Variants in NDUFAF1 observed in about 807,000 individuals in gnomAD.
The protein encoded by NDUFAF1 is NADH:ubiquinone oxidoreductase complex assembly factor 1.
NDUFAF1 carries 18 observed loss-of-function variants against 28.7 expected under a neutral mutation model. The ratio of observed to expected loss-of-function variants is 0.63; its 90% CI spans 0.43 to 0.93. The LOEUF (loss-of-function observed/expected upper bound fraction) is 0.93, where lower values mean the gene tolerates loss of function less well. Ranked by LOEUF, NDUFAF1 falls within the 40% of genes least tolerant of loss-of-function variation. The probability of loss-of-function intolerance (pLI) is 0.00; values close to 1 mark genes in which losing one functional copy is unlikely to be tolerated. For synonymous variants in NDUFAF1, 113 were observed against 139.7 expected (o/e 0.81, Z 1.35); for missense variants, 404 against 398.3 (o/e 1.01, Z -0.12).
At chr15:41,398,739 G>C (rs146559253) in intron 1 of NDUFAF1, among the ~76,000 whole-genome samples, 1 of 152,166 alleles carries the variant, frequency 6.6e-6, no homozygotes, top group Admixed American at 6.6e-5. Context: ...CGGATCACTT[G>C]AGGTCAGGAG....
intron 3 of NDUFAF1, among the ~76,000 whole-genome samples, chr15:41,389,703 G>A: frequency 6.6e-6 from 1 of 152,084 alleles, no homozygotes; most frequent in East Asian, 1.9e-4. Context: ...AGGCTGGGAG[G>A]TTGGGGCTAC....
intron 3 of NDUFAF1, among the ~76,000 whole-genome samples, chr15:41,393,079 C>G (rs991175283): frequency 1.4e-4 from 21 of 151,290 alleles, no homozygotes; most frequent in African/African-American, 4.9e-4. Flanking sequence ...CAGGATGACC[C>G]TCAAGTATAT....
At chr15:41,393,526 G>A (rs2050341060) in intron 3 of NDUFAF1, among the ~76,000 whole-genome samples, 1 of 151,252 alleles carries the variant, frequency 6.6e-6, no homozygotes, top group South Asian at 2.1e-4. Flanking sequence ...TCCTGACCTC[G>A]TGATCCACCC....
chr15:41,390,960 C>T (rs1225080287), intron 3 of NDUFAF1, among the ~76,000 whole-genome samples: 1 of 151,888 alleles, frequency 6.6e-6, no homozygotes. Context: ...ACCTGGAAGG[C>T]AGAGCTTGCA....
chr15:41,396,756 C>T lies in NDUFAF1; in HGVS notation c.304G>A (p.Val102Met), dbSNP rs762712935. Residue 102 changes from valine (V) to methionine (M), a missense_variant, in exon 2 of 5, where the codon GTG (valine) becomes ATG (methionine). Coordinates refer to ENST00000260361, the MANE Select transcript of NDUFAF1 (RefSeq NM_016013.4). ...CCTTCCGGTCCTCTCCAATGATCCA[C>T]AATTTCATCCTTCAAAAGCCTAAAA... ...YHFRLLKDEI[V>M]DHWRGPEGHP... is the part of the protein sequence containing the mutation. 2 of 1,614,174 alleles carry T rather than the reference C, an allele frequency of 1.2e-6. No individual in the cohort carries two copies. The highest frequency in any genetic ancestry group is 2.2e-5 in the South Asian group (2 of 91,090).
chr15:41,397,109 C>G lies in NDUFAF1; in HGVS notation c.-50G>C. 1.3e-6 allele frequency: 2 copies of G among 1,541,502 alleles called. No homozygotes were observed. Among genetic ancestry groups the G allele is most frequent in the Non-Finnish European group, 1.8e-6 (2 of 1,121,034 alleles). On this transcript the variant is annotated 5_prime_UTR_variant, in exon 2 of 5. Coordinates refer to ENST00000260361, the MANE Select transcript of NDUFAF1 (RefSeq NM_016013.4). ...TTTCTTCCTGGGCTAGCAAGGGCCA[C>G]CAAGAAGCTTCAGCAAATAGCCCAA...
At chr15:41,395,118 G>A in intron 2 of NDUFAF1, 74 bp from the exon 3 acceptor site, 14 of 1,412,296 alleles carry the variant, frequency 9.9e-6, no homozygotes, top group Non-Finnish European at 1.4e-5. Context: ...CACCAAGTCA[G>A]CATCATCAAC....
Position 41,394,980 on chromosome 15 carries a change from C to A in NDUFAF1, c.638G>T (p.Arg213Leu), listed in dbSNP as rs144437724. ...SQFNTLYLRV[R>L]GDGRPWMVNI... Reference sequence around the variant, plus strand: ...CACCATCCAAGGCCGACCATCCCCACGTACACGGAGATACAGAGTATTGAA... The same window carrying A: ...CACCATCCAAGGCCGACCATCCCCAAGTACACGGAGATACAGAGTATTGAA... Residue 213 changes from arginine (R) to leucine (L), a missense_variant, in exon 3 of 5, where the codon CGT becomes CTT. Transcript: ENST00000260361. 2 of 1,614,178 alleles carry A rather than the reference C, an allele frequency of 1.2e-6. No individual in the cohort carries two copies. Among genetic ancestry groups the A allele is most frequent in the Admixed American group, 3.3e-5 (2 of 60,006 alleles).
In NDUFAF1 at chr15:41,402,412, C is replaced by T. The variant is rs926100873; in HGVS notation, c.-350G>A. 2 of 442,618 alleles carry T rather than the reference C, an allele frequency of 4.5e-6. No individual in the cohort carries two copies. Among genetic ancestry groups the T allele is most frequent in the Admixed American group, 2.4e-5 (1 of 41,654 alleles). The allele number at this position is 442,618 out of a possible 1,614,324, so 27.4% of individuals were successfully genotyped here. A position where few individuals can be genotyped will look rare whatever the true frequency, so the allele number is the denominator to read the frequency against. ...CAGGGCTCTGTCGCCTCCCCACACC[C>T]GGGACACACCAACCGCCGGCCTGCC... On this transcript the variant is annotated 5_prime_UTR_variant, in exon 1 of 5. Coordinates refer to ENST00000260361, the MANE Select transcript of NDUFAF1 (RefSeq NM_016013.4).
In NDUFAF1 at chr15:41,402,492, C is replaced by A. The variant is rs1050490308; in HGVS notation, c.-430G>T. On this transcript the variant is annotated 5_prime_UTR_variant, in exon 1 of 5. Transcript: ENST00000260361. ...CCTTCCGCCCAGAAGCCACTTTACCCGTATAGGTCCATCTGCTTTTCCCTT... is the reference window on the plus strand; with the variant it reads ...CCTTCCGCCCAGAAGCCACTTTACCAGTATAGGTCCATCTGCTTTTCCCTT... 18 of 352,188 alleles carry A rather than the reference C, an allele frequency of 5.1e-5. No homozygotes were observed. In the East Asian group the frequency reaches 1.3e-3, roughly 25 times the overall value. 21.8% of individuals were successfully genotyped at this position (352,188 alleles called of 1,614,324 possible).
At chr15:41,398,953 T>C (rs192761108) in intron 1 of NDUFAF1, among the ~76,000 whole-genome samples, 183 of 147,132 alleles carry the variant, frequency 1.2e-3, no homozygotes, top group African/African-American at 4.5e-3. Flanking sequence ...TGAAATTCCA[T>C]CTCAAAAAAA....
intron 3 of NDUFAF1, 130 bp downstream of exon 3, chr15:41,394,729 C>T (rs1178502609): frequency 1.3e-6 from 1 of 794,322 alleles, no homozygotes; most frequent in Non-Finnish European, 2.0e-6. Flanking sequence ...TGTTGGCCAA[C>T]CTGGTCTCGA....
intron 1 of NDUFAF1, 48 bp downstream of exon 1, chr15:41,402,096 C>CT (rs1333607892): frequency 2.5e-6 from 1 of 404,338 alleles, no homozygotes; most frequent in Non-Finnish European, 5.2e-6. Context: ...ACAACACAAT[C>CT]CACGCAGCTA....
rs1324881965 is a variant in NDUFAF1, at chr15:41,393,332, G to A, written c.759+1527C>T. On this transcript the variant is annotated intron_variant, in intron 3 of 4. Transcript: ENST00000260361. Reference sequence around the variant, plus strand: ...TTTTTTTTTTGAGACGAAGTCTCCCGCCCAGCCTGGAGTGCAGTGGCACGA... The same window carrying A: ...TTTTTTTTTTGAGACGAAGTCTCCCACCCAGCCTGGAGTGCAGTGGCACGA... Among the ~76,000 whole-genome samples the A allele has an allele frequency of 5.2e-4, 60 of 114,346 alleles. 2 individuals are homozygous for A. In the South Asian group the frequency reaches 0.01, roughly 20 times the overall value. The allele number at this position is 114,346 out of a possible 152,430, so 75.0% of individuals were successfully genotyped here.
chr15:41,399,932 C>T (rs1332874325), intron 1 of NDUFAF1, among the ~76,000 whole-genome samples: 1 of 149,478 alleles, frequency 6.7e-6, no homozygotes, highest in Admixed American at 6.7e-5. Flanking sequence ...TGGTGGCAAG[C>T]ACCTATAATC....
chr15:41,396,785 T>C lies in NDUFAF1; in HGVS notation c.275A>G (p.Tyr92Cys). The part of the protein sequence containing the change: ...FDKAIRDEAI[Y>C]HFRLLKDEIV... The stretch of plus-strand genomic sequence containing the variant: ...TTCATCCTTCAAAAGCCTAAAATGG[T>C]ATATTGCTTCATCTCTAATTGCTTT... The change falls in exon 2 of 5, where the codon TAC becomes TGC. Residue 92 changes from tyrosine (Y) to cysteine (C), a missense_variant. Tyr to Cys is a radical substitution (Grantham distance 194). Coordinates refer to ENST00000260361, the MANE Select transcript of NDUFAF1 (RefSeq NM_016013.4). 5.0e-6 allele frequency: 8 copies of C among 1,614,126 alleles called. No individual in the cohort carries two copies. Among genetic ancestry groups the C allele is most frequent in the Non-Finnish European group, 6.8e-6 (8 of 1,180,042 alleles).
intron 1 of NDUFAF1, among the ~76,000 whole-genome samples, chr15:41,398,005 C>T (rs1453270668): frequency 1.9e-4 from 20 of 106,980 alleles, no homozygotes; most frequent in African/African-American, 6.4e-4. Flanking sequence ...AGCCTGGCAA[C>T]AGAGCGAGAC....
intron 3 of NDUFAF1, among the ~76,000 whole-genome samples, chr15:41,390,757 G>A (rs906464497): frequency 2.0e-5 from 3 of 151,082 alleles, no homozygotes. Context: ...TATCTGCTGG[G>A]TATGGTGGCT....
At chr15:41,399,095 G>A (rs1169758901) in intron 1 of NDUFAF1, among the ~76,000 whole-genome samples, 8 of 151,884 alleles carry the variant, frequency 5.3e-5, no homozygotes, top group African/African-American at 1.2e-4. Flanking sequence ...GTAAAACCCC[G>A]TCTCCATTAA....
Sources: allele counts gnomAD v4.1 joint callset (sites outside exome capture counted in the v4.1 genomes callset), GRCh38; gene constraint gnomAD v4.1.1; transcripts MANE v1.5; gene names NCBI Gene and HGNC (gene_info 2026-07-23, HGNC 2026-07-21).